Variants in CTDP1 observed in about 807,000 individuals in gnomAD.
The protein encoded by CTDP1 is CTD phosphatase 1, also known as RNA polymerase II subunit A C-terminal domain phosphatase.
A neutral mutation model predicts 91.8 loss-of-function variants in CTDP1; 47 were observed. That is an observed-to-expected ratio of 0.51 (90% CI 0.41 to 0.65). The LOEUF (loss-of-function observed/expected upper bound fraction) is 0.65, where lower values mean the gene tolerates loss of function less well. CTDP1 is among the 30% of genes least tolerant of loss of function. The pLI, the probability that CTDP1 is intolerant of heterozygous loss-of-function variation, is 0.00. For synonymous variants in CTDP1, 656 were observed against 598.5 expected, an observed-to-expected ratio of 1.10 and a Z score of -1.40; for missense variants, 1,272 against 1,373.7, an observed-to-expected ratio of 0.93 and a Z score of 1.17.
At position 79,696,052 on chromosome 18, in the gene CTDP1, G is replaced by A; in HGVS notation, c.474G>A (p.Glu158=). ...ATVSMVHSVP[E]LMVSSEQAEQ... The stretch of plus-strand genomic sequence containing the variant: ...TGTCCATGGTGCACAGCGTGCCGGA[G>A]TTGATGGTGAGCTCCGAGGTGAGCC... Residue 158 remains glutamate (E), a synonymous_variant, in exon 3 of 13, where the codon GAG becomes GAA. Coordinates refer to ENST00000613122, the MANE Select transcript of CTDP1 (RefSeq NM_004715.5). 3 of 1,612,104 alleles carry A rather than the reference G, an allele frequency of 1.9e-6. No individual in the cohort carries two copies. The highest frequency in any genetic ancestry group is 2.5e-6 in the Non-Finnish European group (3 of 1,180,010).
At chr18:79,703,692 G>T (rs1003605097) in intron 4 of CTDP1, 2 of 152,306 alleles carry the variant, frequency 1.3e-5, no homozygotes, top group South Asian at 2.1e-4. Flanking sequence ...GGAAACAAAG[G>T]CAGAAGTGAC....
intron 10 of CTDP1, among the ~76,000 whole-genome samples, chr18:79,722,059 T>C (rs547145306): frequency 6.6e-6 from 1 of 152,186 alleles, no homozygotes; most frequent in Non-Finnish European, 1.5e-5. Flanking sequence ...CCTGTCCTCA[T>C]TGTCTTAAAC....
chr18:79,697,953 ACAACCGAG>A lies in CTDP1; in HGVS notation c.589_596del (p.Thr197AlafsTer8). The A allele has an allele frequency of 1.9e-6, 3 of 1,614,248 alleles. No individual in the cohort carries two copies. The highest frequency in any genetic ancestry group is 2.5e-6 in the Non-Finnish European group (3 of 1,180,036). On this transcript the variant is annotated frameshift_variant, in exon 4 of 13. Transcript: ENST00000613122. LOFTEE classifies it high-confidence loss of function. ...GGACTTGGACCAGACGTTGATTCAC[ACAACCGAG>A]CAGCACTGTCAGCAGATGTCGAATA...
intron 8 of CTDP1, 52 bp downstream of exon 8, chr18:79,715,580 G>A: frequency 6.6e-7 from 1 of 1,505,254 alleles, no homozygotes; most frequent in Non-Finnish European, 8.9e-7. Context: ...CGGGCTCCTT[G>A]CAGGCACTCC....
At chr18:79,701,484 T>A (rs568617309) in intron 4 of CTDP1, among the ~76,000 whole-genome samples, 12 of 151,558 alleles carry the variant, frequency 7.9e-5, no homozygotes, top group Non-Finnish European at 1.5e-4. Context: ...CACTCCAGCC[T>A]GGGTGACAGA....
At chr18:79,742,040 C>A (rs1435337742) in intron 12 of CTDP1, among the ~76,000 whole-genome samples, 1 of 152,152 alleles carries the variant, frequency 6.6e-6, no homozygotes, top group Non-Finnish European at 1.5e-5. Context: ...ATGCCGGGAG[C>A]AGGGCTGGGG....
intron 4 of CTDP1, among the ~76,000 whole-genome samples, chr18:79,700,525 T>C (rs1378387856): frequency 6.6e-6 from 1 of 152,196 alleles, no homozygotes; most frequent in Non-Finnish European, 1.5e-5. Context: ...TCTTCAATTC[T>C]GTGAAGGTTG....
intron 12 of CTDP1, among the ~76,000 whole-genome samples, chr18:79,747,530 G>A (rs903839101): frequency 6.6e-6 from 1 of 152,252 alleles, no homozygotes; most frequent in Non-Finnish European, 1.5e-5. Flanking sequence ...TGGTTGGACT[G>A]TTGGGTCCCG....
intron 3 of CTDP1, among the ~76,000 whole-genome samples, chr18:79,696,551 CTTG>C (rs1417011254): frequency 6.6e-6 from 1 of 152,086 alleles, no homozygotes; most frequent in East Asian, 1.9e-4. Context: ...TTGGTAGCAC[CTTG>C]TTGGCTACAG....
Position 79,753,785 on chromosome 18 carries a change from A to T in CTDP1, c.2881A>T (p.Met961Leu). The change falls in exon 13 of 13, where the codon ATG (methionine) becomes TTG (leucine). Residue 961 changes from methionine to leucine, a missense_variant. Met to Leu is a conservative substitution (Grantham distance 15). This residue lies in a region of CTDP1 where 881 missense variants were observed against 911.6 expected (regional missense o/e 0.97). Coordinates refer to ENST00000613122, the MANE Select transcript of CTDP1 (RefSeq NM_004715.5). ...GCTGGAGGCGGAGCTCAACGACCTCATGTGAGCGCGGGCAGCGGGCAGGGA... is the reference window on the plus strand; with the variant it reads ...GCTGGAGGCGGAGCTCAACGACCTCTTGTGAGCGCGGGCAGCGGGCAGGGA... ...KALEAELNDL[M>L] 2 of 1,613,176 alleles carry T rather than the reference A, an allele frequency of 1.2e-6. No homozygotes were observed. Among genetic ancestry groups the T allele is most frequent in the Non-Finnish European group, 1.7e-6 (2 of 1,179,900 alleles).
chr18:79,741,852 A>C (rs1053002392), intron 12 of CTDP1, among the ~76,000 whole-genome samples: 7 of 152,262 alleles, frequency 4.6e-5, no homozygotes, highest in Non-Finnish European at 8.8e-5. Context: ...TTGGATAATT[A>C]ACTAAGAAAG....
intron 4 of CTDP1, chr18:79,702,657 G>A (rs1227632684): frequency 2.0e-5 from 3 of 152,068 alleles, no homozygotes; most frequent in Non-Finnish European, 4.4e-5. Context: ...TATAGGCATT[G>A]AGCCACCACG....
intron 12 of CTDP1, among the ~76,000 whole-genome samples, chr18:79,736,906 T>TG (rs1555684250): frequency 1.3e-5 from 2 of 150,096 alleles, no homozygotes; most frequent in African/African-American, 4.9e-5. Context: ...GTTCTGCAGG[T>TG]GGGGGGTCTG....
chr18:79,686,948 G>A (rs1205793775), intron 1 of CTDP1, among the ~76,000 whole-genome samples: 1 of 146,048 alleles, frequency 6.8e-6, no homozygotes, highest in African/African-American at 2.5e-5. Flanking sequence ...TCACTGGTGG[G>A]CCTGCACCGC....
intron 4 of CTDP1, among the ~76,000 whole-genome samples, chr18:79,701,529 T>A (rs1459817375): frequency 7.0e-6 from 1 of 143,360 alleles, no homozygotes; most frequent in Admixed American, 7.0e-5. Context: ...AATAAATAAA[T>A]TAAATAAATA....
rs111684900 is a variant in CTDP1, at chr18:79,681,956, C to T, written c.314+1695C>T. 4.6e-3 allele frequency among the ~76,000 whole-genome samples: 706 copies of T among 152,194 alleles called. 8 individuals are homozygous for T. The highest frequency in any genetic ancestry group is 0.016 in the African/African-American group (668 of 41,506). On this transcript the variant is annotated intron_variant, in intron 1 of 12. Transcript: ENST00000613122. ...GGGGAGTGTGGTGGTGGTGGTGTGACGTCAGCATTTCCGGAGGTGTTCCTG... is the reference window on the plus strand; with the variant it reads ...GGGGAGTGTGGTGGTGGTGGTGTGATGTCAGCATTTCCGGAGGTGTTCCTG...
At chr18:79,726,859 A>ACGG (rs1164057162) in intron 10 of CTDP1, among the ~76,000 whole-genome samples, 2 of 47,570 alleles carry the variant, frequency 4.2e-5, no homozygotes, top group African/African-American at 6.3e-5. Context: ...TTGCTGGTGG[A>ACGG]CTGCTGTGGG....
intron 11 of CTDP1, among the ~76,000 whole-genome samples, chr18:79,735,319 G>A (rs1158589492): frequency 2.0e-5 from 3 of 152,332 alleles, no homozygotes; most frequent in East Asian, 1.9e-4. Flanking sequence ...TGCGCTGGGG[G>A]ACTGTGGTCA....
At chr18:79,721,734 C>T (rs367600986) in intron 10 of CTDP1, among the ~76,000 whole-genome samples, 3 of 151,988 alleles carry the variant, frequency 2.0e-5, no homozygotes, top group Non-Finnish European at 4.4e-5. Flanking sequence ...TCCTGGGCCA[C>T]AGGGTGAGAG....
Sources: gnomAD v4.1 joint callset for allele counts (sites outside exome capture counted in the v4.1 genomes callset) on GRCh38, gnomAD v4.1.1 for gene constraint, gnomAD v4.1.1 regional missense constraint, MANE v1.5 for transcripts, NCBI Gene and HGNC (gene_info 2026-07-23, HGNC 2026-07-21) for gene names.